Variants in GON4L observed in about 807,000 individuals in gnomAD.
GON4L encodes GON-4-like protein.
In GON4L, 87 loss-of-function variants were observed where a neutral mutation model predicts 211.8. The ratio of observed to expected loss-of-function variants is 0.41; its 90% confidence interval spans 0.35 to 0.49. GON4L has a LOEUF of 0.49. Ranked by LOEUF, GON4L falls within the 20% of genes least tolerant of loss-of-function variation. GON4L has a pLI of 0.15. For synonymous variants in GON4L, 875 were observed against 962.6 expected (o/e 0.91, Z 1.68); for missense variants, 2,155 against 2,659.5 (o/e 0.81, Z 4.17).
At position 155,766,403 on chromosome 1, in the gene GON4L, G is replaced by T; in HGVS notation, c.3070C>A (p.Arg1024=). ...GGAGGGGCTTCTGAATGAGTTGATC[G>T]GGCTGGTGTTTTCCCAGGGTTGAAG... ...PSFNPGKTPA[R]STHSEAPPSK... The change falls in exon 21 of 32, where the codon CGA becomes AGA. Residue 1024 remains arginine (R), a synonymous_variant. Transcript: ENST00000368331. The T allele has an allele frequency of 1.2e-6, 2 of 1,614,134 alleles. No individual in the cohort carries two copies. Among genetic ancestry groups the T allele is most frequent in the African/African-American group, 1.3e-5 (1 of 75,030 alleles).
intron 27 of GON4L, among the ~76,000 whole-genome samples, chr1:155,755,149 C>T (rs1276114004): frequency 1.3e-5 from 2 of 150,416 alleles, no homozygotes; most frequent in Non-Finnish European, 3.0e-5. Flanking sequence ...CAGCTTAGCG[C>T]AACTTCCACT....
intron 1 of GON4L, among the ~76,000 whole-genome samples, chr1:155,856,929 C>T (rs1672340988): frequency 6.6e-6 from 1 of 152,144 alleles, no homozygotes; most frequent in Admixed American, 6.5e-5. Flanking sequence ...ACGGCCCTCT[C>T]CTAGGAAAAC....
In GON4L at chr1:155,814,564, G is replaced by A. The variant is rs956913036; in HGVS notation, c.1162-115C>T. On this transcript the variant is annotated intron_variant, in intron 8 of 31. Transcript: ENST00000368331. ...ATCAATCACTCAGCCTGGCCAACAT[G>A]GTGAACACCCGTCTCTGCTAAAAAT... 1.2e-5 allele frequency: 13 copies of A among 1,084,352 alleles called. No individual in the cohort carries two copies. In the African/African-American group the frequency reaches 2.0e-4, roughly 17 times the overall value. The allele number at this position is 1,084,352 out of a possible 1,614,324, so 67.2% of individuals were successfully genotyped here. A position where few individuals can be genotyped will look rare whatever the true frequency, so the allele number is the denominator to read the frequency against.
chr1:155,797,670 C>CA (rs1290981978), intron 11 of GON4L, among the ~76,000 whole-genome samples: 1 of 54,432 alleles, frequency 1.8e-5, no homozygotes, highest in Non-Finnish European at 3.4e-5. Flanking sequence ...ATGGTGAGAC[C>CA]CCCCCCCTCC....
intron 4 of GON4L, 94 bp downstream of exon 4, chr1:155,822,192 C>CA: frequency 9.8e-7 from 1 of 1,020,040 alleles, no homozygotes; most frequent in African/African-American, 1.6e-5. Flanking sequence ...ATCGGTAATT[C>CA]ACGTATCAAG....
At chr1:155,824,847 T>C (rs532281554) in intron 3 of GON4L, among the ~76,000 whole-genome samples, 4 of 144,120 alleles carry the variant, frequency 2.8e-5, no homozygotes, top group African/African-American at 7.7e-5. Flanking sequence ...AAGAGTTGAA[T>C]GGATAAAGAA....
At chr1:155,828,067 A>G (rs1156340617) in intron 2 of GON4L, among the ~76,000 whole-genome samples, 1 of 151,900 alleles carries the variant, frequency 6.6e-6, no homozygotes, top group African/African-American at 2.4e-5. Context: ...GTGTGGTGGG[A>G]GAATCACTTG....
chr1:155,835,523 T>C (rs1472418248), intron 2 of GON4L, among the ~76,000 whole-genome samples: 1 of 151,912 alleles, frequency 6.6e-6, no homozygotes, highest in Non-Finnish European at 1.5e-5. Context: ...CCCATATATA[T>C]ATGGCTATAC....
rs56998412 is a variant in GON4L, at chr1:155,811,145, C to A, written c.1452+2489G>T. 3.8e-3 allele frequency among the ~76,000 whole-genome samples: 584 copies of A among 152,196 alleles called. 5 individuals are homozygous for A. The highest frequency in any genetic ancestry group is 0.014 in the African/African-American group (561 of 41,522). Reference sequence around the variant, plus strand: ...TGGTGGTTCACGCCCGTAATCCCAGCATTTTGGGAGGCCGAGGCAAGTGGA... The same window carrying A: ...TGGTGGTTCACGCCCGTAATCCCAGAATTTTGGGAGGCCGAGGCAAGTGGA... On this transcript the variant is annotated intron_variant, in intron 10 of 31. Transcript: ENST00000368331.
At chr1:155,791,634 G>A (rs759778101) in intron 12 of GON4L, among the ~76,000 whole-genome samples, 54 of 151,816 alleles carry the variant, frequency 3.6e-4, no homozygotes, top group Non-Finnish European at 6.6e-4. Flanking sequence ...TTGGGAAGCC[G>A]AGGCAGGTGG....
At chr1:155,844,671 T>A (rs1671069174) in intron 2 of GON4L, among the ~76,000 whole-genome samples, 1 of 152,044 alleles carries the variant, frequency 6.6e-6, no homozygotes, top group Admixed American at 6.6e-5. Context: ...GGCAGGAGGA[T>A]CACTTGAGCC....
At chr1:155,747,461 G>A, downstream of GON4L, 1 of 1,215,736 alleles carries the variant, frequency 8.2e-7, no homozygotes, top group East Asian at 2.5e-5. Context: ...CACCAATGCA[G>A]GATGAGGCTC....
At chr1:155,786,139 A>G (rs937290310) in intron 12 of GON4L, among the ~76,000 whole-genome samples, 2 of 151,826 alleles carry the variant, frequency 1.3e-5, no homozygotes, top group Non-Finnish European at 2.9e-5. Context: ...ACATTTATTG[A>G]GCACTATGCT....
intron 18 of GON4L, among the ~76,000 whole-genome samples, chr1:155,772,152 T>A (rs1167570746): frequency 2.8e-5 from 4 of 145,410 alleles, no homozygotes; most frequent in Admixed American, 1.4e-4. Flanking sequence ...AAACTCTGTT[T>A]AAAAAAAAAA....
intron 10 of GON4L, among the ~76,000 whole-genome samples, chr1:155,813,284 T>C (rs530107685): frequency 1.3e-5 from 2 of 151,764 alleles, no homozygotes; most frequent in South Asian, 2.1e-4. Context: ...AAAACTAAAA[T>C]ATTAGCCAGG....
chr1:155,745,813 C>A (rs781603659), downstream of GON4L: 6 of 607,596 alleles, frequency 9.9e-6, no homozygotes, highest in Admixed American at 5.8e-5. Context: ...GCGGCGGCCC[C>A]GTGGAGCAGC....
At chr1:155,797,690 CA>C (rs1336924131) in intron 11 of GON4L, among the ~76,000 whole-genome samples, 1 of 149,230 alleles carries the variant, frequency 6.7e-6, no homozygotes, top group Non-Finnish European at 1.5e-5. Context: ...CCGTCTCTAC[CA>C]AAAATACAAA....
chr1:155,844,176 CAT>C (rs753111947), intron 2 of GON4L, among the ~76,000 whole-genome samples: 1 of 152,288 alleles, frequency 6.6e-6, no homozygotes, highest in East Asian at 1.9e-4. Flanking sequence ...TGCTAAGAAA[CAT>C]AACTCAGGCC....
At position 155,816,773 on chromosome 1, in the gene GON4L, T is replaced by TAAAA. The variant is rs34370558; in HGVS notation, c.1015-515_1015-512dup. On this transcript the variant is annotated intron_variant, in intron 6 of 31. Transcript: ENST00000368331. ...TCTGCCTATGGGCTTTTTTTTTTCT[T>TAAAA]AAAAAAAAAAAAAAAAAAAAAAGCT... 3.9e-3 allele frequency among the ~76,000 whole-genome samples: 305 copies of TAAAA among 78,008 alleles called. 3 individuals are homozygous for TAAAA. The highest frequency in any genetic ancestry group is 5.5e-3 in the Non-Finnish European group (239 of 43,162). The allele number at this position is 78,008 out of a possible 152,430, so 51.2% of individuals were successfully genotyped here.
Sources: gnomAD v4.1 joint callset for allele counts (sites outside exome capture counted in the v4.1 genomes callset) on GRCh38, gnomAD v4.1.1 for gene constraint, MANE v1.5 for transcripts, NCBI Gene and HGNC (gene_info 2026-07-23, HGNC 2026-07-21) for gene names.